ABTB2: variants seen among roughly 807,000 people sequenced by gnomAD.
ABTB2 encodes ankyrin repeat and BTB domain containing 2, also known as ankyrin repeat and BTB/POZ domain-containing protein 2.
A neutral mutation model predicts 104.1 loss-of-function variants in ABTB2; 56 were observed. That is an observed-to-expected ratio of 0.54 (90% CI 0.43 to 0.67). The LOEUF (loss-of-function observed/expected upper bound fraction) is 0.67, where lower values mean the gene tolerates loss of function less well. Among genes scored for constraint, ABTB2 ranks in the 30% least tolerant of loss-of-function variants. The probability of loss-of-function intolerance (pLI) is 0.00; values close to 1 mark genes in which losing one functional copy is unlikely to be tolerated. For missense variants in ABTB2, 1,279 were observed against 1,407.7 expected (o/e 0.91, Z 1.46); for synonymous variants, 606 against 608.2 (o/e 1.00, Z 0.05).
intron 6 of ABTB2, among the ~76,000 whole-genome samples, chr11:34,167,675 C>A (rs1852819730): frequency 6.6e-6 from 1 of 152,168 alleles, no homozygotes; most frequent in Admixed American, 6.5e-5. Flanking sequence ...GAATCACAGC[C>A]CATCTCTCCA....
At position 34,357,591 on chromosome 11, in the gene ABTB2, C is replaced by T. The variant is rs1439606307; in HGVS notation, c.-8G>A. On this transcript the variant is annotated 5_prime_UTR_variant, in exon 1 of 17. Transcript: ENST00000435224. ...GCTGTACGTCCCGGCCATGGGGAGC[C>T]TGCCGAGGGCGGCGTCGCCGAGCGA... is the stretch of plus-strand genomic sequence containing the variant. 4 of 1,499,580 alleles carry T rather than the reference C, an allele frequency of 2.7e-6. No homozygotes were observed. Among genetic ancestry groups the T allele is most frequent in the Admixed American group, 2.1e-5 (1 of 47,826 alleles). The allele number at this position is 1,499,580 out of a possible 1,614,324, so 92.9% of individuals were successfully genotyped here. A position where few individuals can be genotyped will look rare whatever the true frequency, so the allele number is the denominator to read the frequency against.
chr11:34,190,550 G>A (rs2133031680), intron 3 of ABTB2, among the ~76,000 whole-genome samples: 1 of 152,340 alleles, frequency 6.6e-6, no homozygotes, highest in South Asian at 2.1e-4. Context: ...ATCCGCAGGA[G>A]TCCAGGGAGA....
rs370914114 is a variant in ABTB2 at position 34,160,895 on chromosome 11, A to G, written c.2397+8T>C. 1.3e-6 allele frequency: 2 copies of G among 1,595,162 alleles called. No homozygotes were observed. Among genetic ancestry groups the G allele is most frequent in the African/African-American group, 2.7e-5 (2 of 74,416 alleles). On this transcript the variant is annotated splice_region_variant and intron_variant, in intron 11 of 16. Coordinates refer to ENST00000435224, the MANE Select transcript of ABTB2 (RefSeq NM_145804.3). ...TGGGCTTGGGAACTGGCCACTGGCC[A>G]CACTTACTTTGCTGGTCTTGAGGAT...
Position 34,161,052 on chromosome 11 carries a change from C to T in ABTB2, c.2248G>A (p.Glu750Lys), listed in dbSNP as rs751458530. The T allele has an allele frequency of 3.5e-5, 57 of 1,612,016 alleles. No individual in the cohort carries two copies. Among genetic ancestry groups the T allele is most frequent in the Non-Finnish European group, 4.6e-5 (54 of 1,179,200 alleles). ...GVPWKLHIWI[E>K]SLRTSFSQSR... ...TGCGAGAACGAGGTCCTCAGAGACT[C>T]GATCCAGATGTGCAGCTTCCAGGGG... The change falls in exon 11 of 17, where the codon GAG becomes AAG. Residue 750 changes from glutamate (E) to lysine (K), a missense_variant. Physicochemically the swap from Glu to Lys is moderately conservative, Grantham distance 56. Coordinates refer to ENST00000435224, the MANE Select transcript of ABTB2 (RefSeq NM_145804.3).
intron 1 of ABTB2, among the ~76,000 whole-genome samples, chr11:34,317,462 G>A (rs1352551629): frequency 1.3e-5 from 2 of 152,130 alleles, no homozygotes; most frequent in Non-Finnish European, 2.9e-5. Context: ...AACAGTAAGA[G>A]AAACACTTGG....
In ABTB2 at chr11:34,165,305, C is replaced by A; in HGVS notation, c.1807G>T (p.Glu603Ter). 6.3e-7 allele frequency: 1 copy of A among 1,575,978 alleles called. No homozygotes were observed. Among genetic ancestry groups the A allele is most frequent in the African/African-American group, 1.4e-5 (1 of 73,920 alleles). The part of the protein sequence containing the change: ...HVEGSAVNGG[E>*]DSYAETPLQL... ...AGGGGCGTCTCCGCATAGCTGTCCT[C>A]GCCGCCGTTCACTGCCGAGCCCTCG... Residue 603 changes from glutamate (E) to a stop codon, truncating the protein, a stop_gained, in exon 8 of 17, where the codon GAG becomes TAG. Coordinates refer to ENST00000435224, the MANE Select transcript of ABTB2 (RefSeq NM_145804.3). LOFTEE classifies it high-confidence loss of function.
Position 34,154,255 on chromosome 11 carries a change from T to C in ABTB2, c.2880+10A>G, listed in dbSNP as rs781684361. On this transcript the variant is annotated intron_variant, in intron 16 of 16. Coordinates refer to ENST00000435224, the MANE Select transcript of ABTB2 (RefSeq NM_145804.3). This position sits in a 1 kb window ranked among gnomAD's most constrained non-coding sequence, Gnocchi z 4.9. ...GTGGGAGGTGGCCAGCAGGCATCCT[T>C]GGCCCTCACCTTGGCATATTTGTAG... The C allele has an allele frequency of 6.2e-7, 1 of 1,609,264 alleles. No homozygotes were observed. The highest frequency in any genetic ancestry group is 2.2e-5 in the East Asian group (1 of 44,862).
rs757014869 is a variant in ABTB2, at chr11:34,165,286, G to A, written c.1826C>T (p.Thr609Met). 9.6e-6 allele frequency: 15 copies of A among 1,563,472 alleles called. No individual in the cohort carries two copies. Among genetic ancestry groups the A allele is most frequent in the South Asian group, 5.9e-5 (5 of 84,786 alleles). ...VNGGEDSYAE[T>M]PLQLASAAGN... ...TGCCGCAGAGGCCAGCTGCAGGGGC[G>A]TCTCCGCATAGCTGTCCTCGCCGCC... The change falls in exon 8 of 17, where the codon ACG becomes ATG. Residue 609 changes from threonine to methionine, a missense_variant. Transcript: ENST00000435224.
chr11:34,326,991 C>T (rs990413426), intron 1 of ABTB2, among the ~76,000 whole-genome samples: 3 of 152,178 alleles, frequency 2.0e-5, no homozygotes, highest in Non-Finnish European at 2.9e-5. Flanking sequence ...AGGAGAATCG[C>T]TTAAACCCGG....
intron 1 of ABTB2, among the ~76,000 whole-genome samples, chr11:34,276,510 A>C (rs1264853211): frequency 6.6e-6 from 1 of 151,340 alleles, no homozygotes. Flanking sequence ...ATTCTTCCCC[A>C]CACACAGTCC....
intron 1 of ABTB2, among the ~76,000 whole-genome samples, chr11:34,279,387 T>G (rs193145544): frequency 2.5e-4 from 38 of 152,278 alleles, no homozygotes; most frequent in Admixed American, 1.3e-4. Context: ...AGGAGTGAGC[T>G]GCCATGCCCG....
chr11:34,184,837 C>T (rs1853076553), intron 3 of ABTB2, among the ~76,000 whole-genome samples: 1 of 152,264 alleles, frequency 6.6e-6, no homozygotes, highest in African/African-American at 2.4e-5. Flanking sequence ...CAGGGACTCG[C>T]TTTCTTCTCC....
chr11:34,210,794 G>T (rs938577449), intron 1 of ABTB2, among the ~76,000 whole-genome samples: 2 of 152,190 alleles, frequency 1.3e-5, no homozygotes, highest in African/African-American at 2.4e-5. Flanking sequence ...TACTGCACTC[G>T]CAAGGAAACT....
At position 34,356,124 on chromosome 11, in the gene ABTB2, TA is replaced by T. The variant is rs1407509011; in HGVS notation, c.883+576del. Among the ~76,000 whole-genome samples, 5 of 152,110 alleles carry T rather than the reference TA, an allele frequency of 3.3e-5. No homozygotes were observed. The East Asian group carries it at 9.6e-4, about 29-fold the overall frequency. On this transcript the variant is annotated intron_variant, in intron 1 of 16. Coordinates refer to ENST00000435224, the MANE Select transcript of ABTB2 (RefSeq NM_145804.3). The surrounding 1 kb of genome is among the most constrained non-coding windows in gnomAD (Gnocchi z 4.6). Reference sequence around the variant, plus strand: ...GCACATATAGGTAAGAGCGAACCACTACCCCTCCATCCCCCAAGAGAGCGCC... The same window carrying T: ...GCACATATAGGTAAGAGCGAACCACTCCCCTCCATCCCCCAAGAGAGCGCC...
intron 1 of ABTB2, among the ~76,000 whole-genome samples, chr11:34,286,938 G>A (rs115625198): frequency 6.6e-6 from 1 of 152,268 alleles, no homozygotes; most frequent in African/African-American, 2.4e-5. Context: ...TGCCGGGGCT[G>A]GGGGAGGGAA....
At chr11:34,271,758 CA>C (rs1854316927) in intron 1 of ABTB2, among the ~76,000 whole-genome samples, 2 of 151,850 alleles carry the variant, frequency 1.3e-5, no homozygotes, top group African/African-American at 4.8e-5. Context: ...TACATACATA[CA>C]TACATACATA....
chr11:34,161,965 G>A (rs1360873230), intron 10 of ABTB2, among the ~76,000 whole-genome samples: 1 of 152,010 alleles, frequency 6.6e-6, no homozygotes, highest in Non-Finnish European at 1.5e-5. Flanking sequence ...TGACAGTGAC[G>A]GTGCTGTCAT....
chr11:34,229,260 A>G (rs1419209216), intron 1 of ABTB2, among the ~76,000 whole-genome samples: 1 of 151,924 alleles, frequency 6.6e-6, no homozygotes, highest in Admixed American at 6.6e-5. Flanking sequence ...AGGTGGGCGG[A>G]TCACAAAGTC....
At chr11:34,212,164 C>A (rs1343912839) in intron 1 of ABTB2, among the ~76,000 whole-genome samples, 1 of 152,070 alleles carries the variant, frequency 6.6e-6, no homozygotes, top group African/African-American at 2.4e-5. Flanking sequence ...TCAAGCAATT[C>A]TCCTGCCTCA....
Sources: allele counts gnomAD v4.1 joint callset (sites outside exome capture counted in the v4.1 genomes callset), GRCh38; gene constraint gnomAD v4.1.1; non-coding constraint Gnocchi (gnomAD v3.1); transcripts MANE v1.5; gene names NCBI Gene and HGNC (gene_info 2026-07-23, HGNC 2026-07-21).